Variants in WLS observed in about 807,000 individuals in gnomAD.
WLS encodes the protein Wnt ligand secretion mediator, also known as protein wntless homolog.
In WLS, 23 loss-of-function variants were observed where a neutral mutation model predicts 62.8. The ratio of observed to expected loss-of-function variants is 0.37; its 90% CI spans 0.26 to 0.52. The LOEUF (loss-of-function observed/expected upper bound fraction) is 0.52. Among genes scored for constraint, WLS ranks in the 20% least tolerant of loss-of-function variants. The pLI, the probability that WLS is intolerant of heterozygous loss-of-function variation, is 0.92. For missense variants in WLS, 615 were observed against 697.3 expected (o/e 0.88, Z 1.33); for synonymous variants, 246 against 244.1 (o/e 1.01, Z -0.07).
At chr1:68,121,944 T>C (rs948244612), downstream of WLS, among the ~76,000 whole-genome samples, 4 of 152,224 alleles carry the variant, frequency 2.6e-5, no homozygotes, top group African/African-American at 9.6e-5. Flanking sequence ...CTCTGTGAAT[T>C]TATTCCTTGT....
At chr1:68,225,605 C>T (rs1254803678) in intron 1 of WLS, among the ~76,000 whole-genome samples, 1 of 152,150 alleles carries the variant, frequency 6.6e-6, no homozygotes, top group Non-Finnish European at 1.5e-5. Flanking sequence ...CAAAATGTAC[C>T]TATTCCTGCT....
downstream of WLS, among the ~76,000 whole-genome samples, chr1:68,124,095 G>A (rs950515960): frequency 6.6e-6 from 1 of 152,088 alleles, no homozygotes; most frequent in Non-Finnish European, 1.5e-5. Flanking sequence ...GACTCTGATC[G>A]ATCTTTCTGT....
In WLS at chr1:68,126,682, A is replaced by G. The variant is rs569693597; in HGVS notation, c.1517-347T>C. Among the ~76,000 whole-genome samples the G allele has an allele frequency of 2.6e-5, 4 of 152,306 alleles. No homozygotes were observed. The South Asian group carries it at 8.3e-4, about 32-fold the overall frequency. On this transcript the variant is annotated intron_variant, in intron 11 of 11. Coordinates refer to ENST00000262348, the MANE Select transcript of WLS (RefSeq NM_024911.7). ...GTAAGTGATCTTCTTTAATCCTCGC[A>G]GAAGCCCTCTGAAGTAGGCAGTATG...
intron 11 of WLS, chr1:68,127,012 G>A (rs150376985): frequency 5.4e-5 from 18 of 332,768 alleles, no homozygotes; most frequent in East Asian, 1.1e-4. Flanking sequence ...GCAACAGAGC[G>A]AGACCCTGAC....
At chr1:68,130,012 A>G (rs905983038) in intron 11 of WLS, among the ~76,000 whole-genome samples, 3 of 152,256 alleles carry the variant, frequency 2.0e-5, no homozygotes, top group African/African-American at 4.8e-5. Context: ...TCTCTGGCAC[A>G]GATTTCATCC....
chr1:68,142,273 C>T (rs1438000813), intron 10 of WLS, among the ~76,000 whole-genome samples: 1 of 152,190 alleles, frequency 6.6e-6, no homozygotes, highest in East Asian at 1.9e-4. Context: ...GGCACAAGGA[C>T]CTGTGTGTGG....
chr1:68,194,379 G>A, intron 1 of WLS, 152 bp from the exon 2 acceptor site: 1 of 1,028,630 alleles, frequency 9.7e-7, no homozygotes, highest in South Asian at 1.7e-5. Context: ...CCAAATCTGG[G>A]TGAGGATCTT....
At chr1:68,165,642 C>A (rs1647049573) in intron 2 of WLS, among the ~76,000 whole-genome samples, 1 of 152,168 alleles carries the variant, frequency 6.6e-6, no homozygotes, top group South Asian at 2.1e-4. Context: ...CATGTAGAAG[C>A]ACGCAAGGCC....
At chr1:68,207,556 A>G (rs1257298114) in intron 1 of WLS, among the ~76,000 whole-genome samples, 2 of 152,238 alleles carry the variant, frequency 1.3e-5, no homozygotes, top group African/African-American at 4.8e-5. Flanking sequence ...ATAAGAGAAA[A>G]CAATGATTAC....
downstream of WLS, among the ~76,000 whole-genome samples, chr1:68,120,848 C>T (rs777178498): frequency 3.9e-5 from 6 of 152,218 alleles, no homozygotes; most frequent in Non-Finnish European, 7.3e-5. Context: ...AACCAATTCA[C>T]TTTGTACTTG....
chr1:68,168,092 A>G (rs1647087629), intron 2 of WLS, among the ~76,000 whole-genome samples: 1 of 152,144 alleles, frequency 6.6e-6, no homozygotes, highest in Non-Finnish European at 1.5e-5. Context: ...AGTACCTTCT[A>G]TAAGCCAGAA....
At chr1:68,215,405 A>G (rs560381631) in intron 1 of WLS, among the ~76,000 whole-genome samples, 1 of 152,246 alleles carries the variant, frequency 6.6e-6, no homozygotes, top group East Asian at 1.9e-4. Context: ...AAAGAATAAG[A>G]TATTATCAGC....
chr1:68,201,238 G>T (rs1252732364), intron 1 of WLS, among the ~76,000 whole-genome samples: 1 of 152,158 alleles, frequency 6.6e-6, no homozygotes, highest in African/African-American at 2.4e-5. Context: ...CTGAAAGTCA[G>T]TTCCTAAAAA....
intron 11 of WLS, among the ~76,000 whole-genome samples, chr1:68,110,657 G>GTCTCTCTC (rs55965951): frequency 2.7e-4 from 31 of 114,062 alleles, no homozygotes; most frequent in Admixed American, 1.1e-3. Context: ...AAAAATCTCT[G>GTCTCTCTC]TCTCTCTCTC....
In WLS at chr1:68,187,189, C is replaced by CAAAAAAAAAAAAAAAAAAAAAAAAA. The variant is rs34130992; in HGVS notation, c.379+6765_379+6766insTTTTTTTTTTTTTTTTTTTTTTTTT. ...GGGGGACAGAGCAAGACTCCATCTC[C>CAAAAAAAAAAAAAAAAAAAAAAAAA]AAAAAAAAAAAAAAAAAAAAAATTA... On this transcript the variant is annotated intron_variant, in intron 2 of 11. Coordinates refer to ENST00000262348, the MANE Select transcript of WLS (RefSeq NM_024911.7). 8.2e-3 allele frequency among the ~76,000 whole-genome samples: 467 copies of CAAAAAAAAAAAAAAAAAAAAAAAAA among 57,040 alleles called. 27 individuals are homozygous for CAAAAAAAAAAAAAAAAAAAAAAAAA. Among genetic ancestry groups the CAAAAAAAAAAAAAAAAAAAAAAAAA allele is most frequent in the East Asian group, 0.018 (35 of 1,908 alleles). 37.4% of individuals were successfully genotyped at this position (57,040 alleles called of 152,430 possible).
chr1:68,147,307 CAG>C (rs1162062760), intron 8 of WLS, among the ~76,000 whole-genome samples: 1 of 152,146 alleles, frequency 6.6e-6, no homozygotes. Context: ...GGGGGCATAA[CAG>C]AGGAAGGGTA....
At position 68,098,511 on chromosome 1, in the gene WLS, TTA is replaced by T; in HGVS notation, c.*119_*120del. ...ATATTTATTGTTGACGCTTTTTTCC[TTA>T]TATTTAACATTTTGAGATAAAGGCT... On this transcript the variant is annotated 3_prime_UTR_variant, in exon 12 of 12. Coordinates refer to the WLS transcript ENST00000354777. 13 of 1,443,354 alleles carry T rather than the reference TTA, an allele frequency of 9.0e-6. 1 individual carries two copies. The highest frequency in any genetic ancestry group is 1.4e-5 in the African/African-American group (1 of 70,550). The allele number at this position is 1,443,354 out of a possible 1,614,324, so 89.4% of individuals were successfully genotyped here.
chr1:68,150,202 C>T lies in WLS; in HGVS notation c.958G>A (p.Gly320Ser). 2 of 1,614,138 alleles carry T rather than the reference C, an allele frequency of 1.2e-6. No homozygotes were observed. The highest frequency in any genetic ancestry group is 8.5e-7 in the Non-Finnish European group (1 of 1,180,024). The change falls in exon 6 of 12, where the codon GGC becomes AGC. Residue 320 changes from glycine to serine, a missense_variant. Coordinates refer to ENST00000262348, the MANE Select transcript of WLS (RefSeq NM_024911.7). ...MLLSFWIIFC[G>S]EHMMDQHERN... is the part of the protein sequence containing the mutation. ...GCGGCTCTTACCATCATGTGCTCGC[C>T]ACAGAAGATGATCCAGAAGGACAGA...
At position 68,194,144 on chromosome 1, in the gene WLS, C is replaced by T. The variant is rs766692927; in HGVS notation, c.190G>A (p.Val64Met). Residue 64 changes from valine to methionine, a missense_variant, in exon 2 of 12, where the codon GTG (valine) becomes ATG (methionine). Physicochemically the swap from Val to Met is conservative, Grantham distance 21 (BLOSUM62 1). Transcript: ENST00000262348. The part of the protein sequence containing the change: ...RKNHHKTKWF[V>M]PWGPNHCDKI... ...TCACAATGATTGGGTCCCCAAGGCA[C>T]GAACCATTTTGTCTTGTGATGGTTC... The T allele has an allele frequency of 1.5e-5, 25 of 1,614,060 alleles. No homozygotes were observed. The highest frequency in any genetic ancestry group is 4.4e-5 in the South Asian group (4 of 91,076).
Sources: gnomAD v4.1 joint callset for allele counts (sites outside exome capture counted in the v4.1 genomes callset) on GRCh38, gnomAD v4.1.1 for gene constraint, MANE v1.5 for transcripts, NCBI Gene and HGNC (gene_info 2026-07-23, HGNC 2026-07-21) for gene names.